The following CXCL13 variants were observed in gnomAD, a reference collection of about 807,000 sequenced individuals.
CXCL13 encodes C-X-C motif chemokine 13.
CXCL13 carries 7 observed loss-of-function variants against 12.2 expected under a neutral mutation model. The observed-to-expected ratio is 0.57, with a 90% CI of 0.33 to 1.07. The LOEUF is 1.07. CXCL13 is among the 50% of genes least tolerant of loss of function. The pLI, the probability that CXCL13 is intolerant of heterozygous loss-of-function variation, is 0.04. For synonymous variants in CXCL13, 47 were observed against 42.4 expected (o/e 1.11, Z -0.42); for missense variants, 113 against 127.4 (o/e 0.89, Z 0.55).
intron 1 of CXCL13, among the ~76,000 whole-genome samples, chr4:77,517,753 CTT>C (rs1400528063): frequency 1.3e-5 from 2 of 152,162 alleles, no homozygotes; most frequent in Non-Finnish European, 2.9e-5. Context: ...GGTCTTGACT[CTT>C]TATCCAATTT....
chr4:77,547,449 G>T (rs1560522220), intron 1 of CXCL13, among the ~76,000 whole-genome samples: 1 of 152,172 alleles, frequency 6.6e-6, no homozygotes, highest in South Asian at 2.1e-4. Flanking sequence ...AGGATAGTTA[G>T]CTCTTCTTGT....
chr4:77,578,193 C>T (rs1726237759), intron 1 of CXCL13, among the ~76,000 whole-genome samples: 1 of 152,160 alleles, frequency 6.6e-6, no homozygotes, highest in Non-Finnish European at 1.5e-5. Context: ...ATCCACCCCC[C>T]TTGTTTTATT....
At position 77,580,205 on chromosome 4, in the gene CXCL13, A is replaced by G. The variant is rs369377072; in HGVS notation, c.-42-25619A>G. On this transcript the variant is annotated intron_variant, in intron 1 of 4. Coordinates refer to the CXCL13 transcript ENST00000286758. ...CCCTGACTTGACTGCCATGCAATCT[A>G]TGCATGTAACAAAATTTCACTTTTA... Among the ~76,000 whole-genome samples the G allele has an allele frequency of 2.0e-5, 3 of 151,668 alleles. No homozygotes were observed. In the East Asian group the frequency reaches 5.8e-4, roughly 29 times the overall value.
chr4:77,527,291 A>T (rs1724790850), intron 1 of CXCL13, among the ~76,000 whole-genome samples: 1 of 152,184 alleles, frequency 6.6e-6, no homozygotes, highest in Non-Finnish European at 1.5e-5. Flanking sequence ...TACATTACTG[A>T]TGGGGATGTA....
intron 1 of CXCL13, among the ~76,000 whole-genome samples, chr4:77,554,391 A>G (rs551496136): frequency 1.2e-3 from 178 of 152,346 alleles, no homozygotes; most frequent in African/African-American, 4.1e-3. Context: ...ATGATAACAG[A>G]GTATTTAATC....
At chr4:77,591,484 G>C (rs1941346939) in intron 1 of CXCL13, among the ~76,000 whole-genome samples, 1 of 147,248 alleles carries the variant, frequency 6.8e-6, no homozygotes, top group African/African-American at 2.5e-5. Context: ...TCGGGAGGCG[G>C]AGCTTGCAGT....
chr4:77,528,937 T>A (rs930558826), intron 1 of CXCL13, among the ~76,000 whole-genome samples: 1 of 152,210 alleles, frequency 6.6e-6, no homozygotes, highest in African/African-American at 2.4e-5. Flanking sequence ...CTTTAATCCA[T>A]CTTGAATTAA....
chr4:77,549,480 C>A (rs1725455610), intron 1 of CXCL13, among the ~76,000 whole-genome samples: 1 of 152,172 alleles, frequency 6.6e-6, no homozygotes, highest in Non-Finnish European at 1.5e-5. Context: ...GTTTTATCTA[C>A]CTTTGGTCTT....
chr4:77,520,356 G>A (rs1236074819), intron 1 of CXCL13, among the ~76,000 whole-genome samples: 1 of 152,172 alleles, frequency 6.6e-6, no homozygotes, highest in Non-Finnish European at 1.5e-5. Flanking sequence ...AGCATGGAAT[G>A]TTCTTCCATT....
rs769983573 is a variant in CXCL13, at chr4:77,605,880, G to A, written c.15G>A (p.Ser5=). Residue 5 remains serine (S), a synonymous_variant, in exon 1 of 4, where the codon TCG becomes TCA. Coordinates refer to ENST00000682537, the MANE Select transcript of CXCL13 (RefSeq NM_001371558.1). ...CTCCAGACAGAATGAAGTTCATCTC[G>A]ACATCTCTGCTTCTCATGCTGCTGG... is the stretch of plus-strand genomic sequence containing the variant. MKFI[S]TSLLLMLLVS... The A allele has an allele frequency of 1.1e-5, 17 of 1,605,718 alleles. No individual in the cohort carries two copies. In the South Asian group the frequency reaches 1.6e-4, roughly 15 times the overall value.
chr4:77,548,918 C>T (rs1454376402), intron 1 of CXCL13, among the ~76,000 whole-genome samples: 1 of 152,202 alleles, frequency 6.6e-6, no homozygotes, highest in Non-Finnish European at 1.5e-5. Flanking sequence ...TGGGTGATAT[C>T]CTGAAGAGTG....
chr4:77,588,393 A>G (rs1467293364), intron 1 of CXCL13, among the ~76,000 whole-genome samples: 2 of 152,196 alleles, frequency 1.3e-5, no homozygotes, highest in African/African-American at 4.8e-5. Flanking sequence ...ACCCCCAGGG[A>G]TTCAGGTGTG....
intron 1 of CXCL13, among the ~76,000 whole-genome samples, chr4:77,522,177 G>A (rs1724618000): frequency 6.6e-6 from 1 of 152,166 alleles, no homozygotes; most frequent in Non-Finnish European, 1.5e-5. Flanking sequence ...TGAGAAGAAA[G>A]TGTTTTCTGT....
At chr4:77,517,642 T>C (rs1488240402) in intron 1 of CXCL13, among the ~76,000 whole-genome samples, 1 of 152,214 alleles carries the variant, frequency 6.6e-6, no homozygotes, top group Non-Finnish European at 1.5e-5. Context: ...CTGCCTTTTT[T>C]TGTTTTCCAT....
intron 1 of CXCL13, among the ~76,000 whole-genome samples, chr4:77,590,336 G>C (rs1354469822): frequency 6.6e-6 from 1 of 152,166 alleles, no homozygotes; most frequent in African/African-American, 2.4e-5. Context: ...AGTGAGCCAA[G>C]GTCAAAAGTC....
intron 1 of CXCL13, among the ~76,000 whole-genome samples, chr4:77,536,347 C>T (rs1027108270): frequency 2.0e-5 from 3 of 152,042 alleles, no homozygotes; most frequent in African/African-American, 7.3e-5. Flanking sequence ...TGAGGTGTTC[C>T]GAAGCATAGT....
At chr4:77,563,920 C>T (rs577831632) in intron 1 of CXCL13, among the ~76,000 whole-genome samples, 1 of 152,246 alleles carries the variant, frequency 6.6e-6, no homozygotes, top group African/African-American at 2.4e-5. Flanking sequence ...AGTATCTCAT[C>T]CTGTCTGTGG....
At chr4:77,582,082 A>T (rs1726347743) in intron 1 of CXCL13, among the ~76,000 whole-genome samples, 1 of 152,162 alleles carries the variant, frequency 6.6e-6, no homozygotes, top group Non-Finnish European at 1.5e-5. Flanking sequence ...AAAAAACATC[A>T]TTCTATTCTC....
chr4:77,516,913 G>C (rs1724435508), intron 1 of CXCL13, among the ~76,000 whole-genome samples: 1 of 151,748 alleles, frequency 6.6e-6, no homozygotes, highest in African/African-American at 2.4e-5. Flanking sequence ...TGTCAATTTT[G>C]GATCTTTCCT....
Sources: allele counts gnomAD v4.1 joint callset (sites outside exome capture counted in the v4.1 genomes callset), GRCh38; gene constraint gnomAD v4.1.1; transcripts MANE v1.5; gene names NCBI Gene and HGNC (gene_info 2026-07-23, HGNC 2026-07-21).